CPNE4: variants seen among roughly 807,000 people sequenced by gnomAD.
CPNE4 encodes copine-4.
A neutral mutation model predicts 67.9 loss-of-function variants in CPNE4; 25 were observed. The ratio of observed to expected loss-of-function variants is 0.37; its 90% CI spans 0.27 to 0.51. The LOEUF is 0.51. CPNE4 is among the 20% of genes least tolerant of loss of function. The pLI, the probability that CPNE4 is intolerant of heterozygous loss-of-function variation, is 0.93. For missense variants in CPNE4, 464 were observed against 690.8 expected, an observed-to-expected ratio of 0.67 and a Z score of 3.68; for synonymous variants, 242 against 244.9, an observed-to-expected ratio of 0.99 and a Z score of 0.11.
intron 1 of CPNE4, among the ~76,000 whole-genome samples, chr3:131,995,417 G>A (rs2073266347): frequency 6.6e-6 from 1 of 152,118 alleles, no homozygotes; most frequent in African/African-American, 2.4e-5. Context: ...TTGCTTCCCA[G>A]TATCCAAGTT....
At chr3:131,921,349 C>G (rs544580411) in intron 1 of CPNE4, among the ~76,000 whole-genome samples, 14 of 152,294 alleles carry the variant, frequency 9.2e-5, no homozygotes, top group African/African-American at 3.4e-4. Context: ...TGTTCATAGT[C>G]ATAGATACTC....
chr3:131,955,429 T>TTTTTTTTTTTTTTTTTTTTTTTTTTTC (rs57945572), intron 1 of CPNE4, among the ~76,000 whole-genome samples: 1 of 136,650 alleles, frequency 7.3e-6, no homozygotes, highest in African/African-American at 2.9e-5. Flanking sequence ...TTTTTTTTTT[T>TTTTTTTTTTTTTTTTTTTTTTTTTTTC]TTTTTGTATG....
intron 2 of CPNE4, among the ~76,000 whole-genome samples, chr3:131,757,468 T>C (rs146910830): frequency 6.6e-6 from 1 of 152,262 alleles, no homozygotes; most frequent in Non-Finnish European, 1.5e-5. Flanking sequence ...TAAGAAGAAA[T>C]TTCTAAGCAG....
At chr3:131,673,929 G>T (rs137858052) in intron 6 of CPNE4, among the ~76,000 whole-genome samples, 2 of 152,156 alleles carry the variant, frequency 1.3e-5, no homozygotes, top group African/African-American at 4.8e-5. Flanking sequence ...TCCCAATTCA[G>T]CATGATACTA....
At chr3:131,854,848 TC>T (rs1222225265) in intron 2 of CPNE4, among the ~76,000 whole-genome samples, 1 of 151,532 alleles carries the variant, frequency 6.6e-6, no homozygotes, top group Non-Finnish European at 1.5e-5. Flanking sequence ...TTCCTTTCCT[TC>T]TTTTTCTTTT....
chr3:131,935,321 G>A (rs903881394), intron 1 of CPNE4, among the ~76,000 whole-genome samples: 3 of 152,170 alleles, frequency 2.0e-5, no homozygotes, highest in Non-Finnish European at 4.4e-5. Context: ...GAAGGGGCTG[G>A]TAGAATTGAA....
chr3:131,641,902 A>T (rs540365464), intron 7 of CPNE4, among the ~76,000 whole-genome samples: 2 of 152,328 alleles, frequency 1.3e-5, no homozygotes, highest in East Asian at 3.9e-4. Context: ...GAAGTAATTC[A>T]GGAATGGAAA....
At chr3:131,727,630 T>A (rs1481767305) in intron 2 of CPNE4, among the ~76,000 whole-genome samples, 1 of 152,192 alleles carries the variant, frequency 6.6e-6, no homozygotes, top group African/African-American at 2.4e-5. Context: ...TATATATCTA[T>A]TTAAAGTATA....
Position 131,564,227 on chromosome 3 carries a change from T to C in CPNE4, c.1050A>G (p.Gln350=). ...KALVAVGEIC[Q]DYDSDKMFPA... ...CTGAAGCCTCTTACCTGTCATAGTC[T>C]TGGCAAATCTCCCCCACAGCTACCA... is the stretch of plus-strand genomic sequence containing the variant. The change falls in exon 11 of 16, where the codon CAA becomes CAG. Residue 350 remains glutamine (Q), a synonymous_variant. Coordinates refer to ENST00000429747, the MANE Select transcript of CPNE4 (RefSeq NM_130808.3). The C allele has an allele frequency of 6.2e-7, 1 of 1,612,904 alleles. No homozygotes were observed. The highest frequency in any genetic ancestry group is 1.1e-5 in the South Asian group (1 of 91,062).
chr3:131,535,002 A>G lies in CPNE4; in HGVS notation c.*193T>C. On this transcript the variant is annotated 3_prime_UTR_variant, in exon 16 of 16. Transcript: ENST00000429747. The stretch of plus-strand genomic sequence containing the variant: ...TTCTTTGTAAAAAGTTAACAATACA[A>G]GGGCTTAACAGATCCAGGCCTCAGG... 1 of 418,976 alleles carries G rather than the reference A, an allele frequency of 2.4e-6. No homozygotes were observed. 26.0% of individuals were successfully genotyped at this position (418,976 alleles called of 1,614,324 possible). A position where few individuals can be genotyped will look rare whatever the true frequency, so the allele number is the denominator to read the frequency against.
At chr3:131,792,106 T>C (rs9859361) in intron 2 of CPNE4, among the ~76,000 whole-genome samples, 95,456 of 151,842 alleles carry the variant, frequency 0.63, 30,880 homozygotes, top group Admixed American at 0.71. Flanking sequence ...TTGCAATGAT[T>C]CTCTTTGGTA....
chr3:131,786,422 A>G (rs6767389), intron 2 of CPNE4, among the ~76,000 whole-genome samples: 37,452 of 152,100 alleles, frequency 0.25, 4,932 homozygotes, highest in South Asian at 0.31. Context: ...ACATCTAAAA[A>G]TAACACTGAT....
intron 1 of CPNE4, among the ~76,000 whole-genome samples, chr3:131,948,591 T>C (rs563104556): frequency 2.1e-4 from 32 of 152,244 alleles, no homozygotes; most frequent in South Asian, 4.1e-4. Flanking sequence ...GAAACACAAC[T>C]ATACACTAGC....
At chr3:131,940,067 T>C (rs992574549) in intron 1 of CPNE4, among the ~76,000 whole-genome samples, 6 of 152,134 alleles carry the variant, frequency 3.9e-5, no homozygotes, top group Non-Finnish European at 7.4e-5. Context: ...GTGTATGTGC[T>C]CTAACCCTGT....
chr3:131,892,762 G>A lies in CPNE4; in HGVS notation c.180+12502C>T, dbSNP rs566272827. Among the ~76,000 whole-genome samples, 10 of 152,004 alleles carry A rather than the reference G, an allele frequency of 6.6e-5. No individual in the cohort carries two copies. The East Asian group carries it at 7.8e-4, about 12-fold the overall frequency. On this transcript the variant is annotated intron_variant, in intron 2 of 15. Coordinates refer to ENST00000429747, the MANE Select transcript of CPNE4 (RefSeq NM_130808.3). ...CTTAAGTTGTGATCAGCTTAAAATC[G>A]TCTATTTTAACTACAAGACTCTTTG...
intron 12 of CPNE4, among the ~76,000 whole-genome samples, chr3:131,552,873 A>T (rs1936259152): frequency 1.3e-5 from 2 of 152,082 alleles, no homozygotes; most frequent in Admixed American, 6.6e-5. Context: ...ACAAAAATAA[A>T]AACAAAAAAA....
intron 1 of CPNE4, chr3:132,017,653 C>T (rs1210172487): frequency 6.6e-6 from 1 of 152,326 alleles, no homozygotes; most frequent in Non-Finnish European, 1.5e-5. Context: ...TACAGCACCA[C>T]CGATCCTGGG....
chr3:132,031,038 A>G (rs930715280), intron 1 of CPNE4, among the ~76,000 whole-genome samples: 5 of 152,214 alleles, frequency 3.3e-5, no homozygotes, highest in Non-Finnish European at 7.3e-5. Context: ...TATTATCATA[A>G]TGTGCTTCCC....
chr3:131,760,156 G>A (rs1328738467), intron 2 of CPNE4, among the ~76,000 whole-genome samples: 2 of 152,178 alleles, frequency 1.3e-5, no homozygotes, highest in African/African-American at 4.8e-5. Flanking sequence ...CATCATAGCT[G>A]TAATTTAAGA....
Sources: allele counts gnomAD v4.1 joint callset (sites outside exome capture counted in the v4.1 genomes callset), GRCh38; gene constraint gnomAD v4.1.1; transcripts MANE v1.5; gene names NCBI Gene and HGNC (gene_info 2026-07-23, HGNC 2026-07-21).